The following UNG variants were observed in gnomAD, a reference collection of about 807,000 sequenced individuals.
The protein encoded by UNG is uracil-DNA glycosylase.
UNG carries 34 observed loss-of-function variants against 36.5 expected under a neutral mutation model. That is an observed-to-expected ratio of 0.93 (90% CI 0.71 to 1.24). The LOEUF is 1.24. UNG is among the 50% of genes most tolerant of loss of function. The probability of loss-of-function intolerance (pLI) is 0.00; values close to 1 mark genes in which losing one functional copy is unlikely to be tolerated. For synonymous variants in UNG, 172 were observed against 157.8 expected (o/e 1.09, Z -0.67); for missense variants, 391 against 397.6 (o/e 0.98, Z 0.14).
rs1242744310 is a variant in UNG, at chr12:109,110,106, A to G, written c.*137A>G. ...AGCTTCCAGAAAGCAGCCATGAACC[A>G]GGCTGTCCAGGAATGGCAGCTGTAT... is the stretch of plus-strand genomic sequence containing the variant. On this transcript the variant is annotated 3_prime_UTR_variant, in exon 7 of 7. Coordinates refer to ENST00000242576, the MANE Select transcript of UNG (RefSeq NM_080911.3). 3.3e-6 allele frequency: 4 copies of G among 1,216,934 alleles called. No homozygotes were observed. The African/African-American group carries it at 4.5e-5, about 14-fold the overall frequency. 75.4% of individuals were successfully genotyped at this position (1,216,934 alleles called of 1,614,324 possible).
At chr12:109,109,728 A>T in intron 6 of UNG, 101 bp from the exon 7 acceptor site, 3 of 1,453,682 alleles carry the variant, frequency 2.1e-6, no homozygotes, top group Non-Finnish European at 2.8e-6. Context: ...GGTTGCAGTG[A>T]GTCGAGATCA....
At chr12:109,098,754 A>G (rs3219211) in intron 2 of UNG, 116 bp downstream of exon 2, 3 of 1,353,772 alleles carry the variant, frequency 2.2e-6, no homozygotes, top group Middle Eastern at 2.3e-4. Flanking sequence ...TACCCCCTTC[A>G]ACCTCCTTTA....
chr12:109,109,840 T>C lies in UNG; in HGVS notation c.813T>C (p.His271=), dbSNP rs2042247472. The C allele has an allele frequency of 2.5e-6, 4 of 1,613,690 alleles. No individual in the cohort carries two copies. Among genetic ancestry groups the C allele is most frequent in the African/African-American group, 1.3e-5 (1 of 74,886 alleles). The change falls in exon 7 of 7, where the codon CAT becomes CAC. Residue 271 remains histidine, a synonymous_variant. Transcript: ENST00000242576. ...KGSAIDRKRH[H]VLQTAHPSPL... ...TTGATCTTTTTCAGAAGCGGCACCA[T>C]GTACTACAGACGGCTCATCCCTCCC...
chr12:109,109,867 T>C lies in UNG; in HGVS notation c.840T>C (p.Pro280=). Residue 280 remains proline, a synonymous_variant, in exon 7 of 7, where the codon CCT becomes CCC. Coordinates refer to ENST00000242576, the MANE Select transcript of UNG (RefSeq NM_080911.3). The part of the protein sequence containing the change: ...HHVLQTAHPS[P]LSVYRGFFGC... ...TACTACAGACGGCTCATCCCTCCCC[T>C]TTGTCAGTGTATAGAGGGTTCTTTG... is the stretch of plus-strand genomic sequence containing the variant. 6.2e-7 allele frequency: 1 copy of C among 1,614,064 alleles called. No homozygotes were observed. The highest frequency in any genetic ancestry group is 8.5e-7 in the Non-Finnish European group (1 of 1,179,998).
chr12:109,103,688 T>C, intron 6 of UNG, 77 bp downstream of exon 6: 1 of 1,454,426 alleles, frequency 6.9e-7, no homozygotes. Flanking sequence ...TAGGAGTCCC[T>C]GCTGTGTTTG....
At position 109,109,805 on chromosome 12, in the gene UNG, C is replaced by G. The variant is rs770547674; in HGVS notation, c.802-24C>G. ...AATTTAAAAAGTCCCAAATCTGCCACCATTTATTCTTGATCTTTTTCAGAA... is the reference window on the plus strand; with the variant it reads ...AATTTAAAAAGTCCCAAATCTGCCAGCATTTATTCTTGATCTTTTTCAGAA... On this transcript the variant is annotated intron_variant, in intron 6 of 6. Transcript: ENST00000242576. The G allele has an allele frequency of 5.6e-6, 9 of 1,612,466 alleles. No homozygotes were observed. The South Asian group carries it at 9.9e-5, about 18-fold the overall frequency.
Position 109,103,631 on chromosome 12 carries a change from TTTTTTTTC to T in UNG, c.801+28_801+35del. On this transcript the variant is annotated intron_variant, in intron 6 of 6. Transcript: ENST00000242576. ...GATAGGGTATGTTTTGTTTTCTTTC[TTTTTTTTC>T]TTTTTTTTTTAACACTATAAAAACA... 7.5e-7 allele frequency: 1 copy of T among 1,330,040 alleles called. No homozygotes were observed. The allele number at this position is 1,330,040 out of a possible 1,614,324, so 82.4% of individuals were successfully genotyped here. A position where few individuals can be genotyped will look rare whatever the true frequency, so the allele number is the denominator to read the frequency against.
chr12:109,108,818 G>A (rs1286682944), intron 6 of UNG, among the ~76,000 whole-genome samples: 1 of 152,088 alleles, frequency 6.6e-6, no homozygotes, highest in Non-Finnish European at 1.5e-5. Flanking sequence ...TTTTTGTAGA[G>A]ATGGGGTCTC....
intron 6 of UNG, among the ~76,000 whole-genome samples, chr12:109,104,188 G>T (rs2042200421): frequency 6.6e-6 from 1 of 151,982 alleles, no homozygotes. Flanking sequence ...TGGGACTACA[G>T]GCGCCCGCCA....
intron 6 of UNG, among the ~76,000 whole-genome samples, chr12:109,109,483 G>GAA (rs58043104): frequency 2.7e-5 from 4 of 147,508 alleles, no homozygotes; most frequent in Admixed American, 1.4e-4. Flanking sequence ...CCTTTTTGGG[G>GAA]AAAAAAAAAA....
In UNG at chr12:109,098,621, A is replaced by C; in HGVS notation, c.322A>C (p.Lys108Gln). 2 of 1,613,548 alleles carry C rather than the reference A, an allele frequency of 1.2e-6. No individual in the cohort carries two copies. Among genetic ancestry groups the C allele is most frequent in the Non-Finnish European group, 1.7e-6 (2 of 1,180,030 alleles). The change falls in exon 2 of 7, where the codon AAA becomes CAA. Residue 108 changes from lysine (K) to glutamine (Q), a missense_variant. Lys to Gln is a moderately conservative substitution (Grantham distance 53, BLOSUM62 1). Coordinates refer to ENST00000242576, the MANE Select transcript of UNG (RefSeq NM_080911.3). ...WKKHLSGEFG[K>Q]PYFIKLMGFV... ...GAAGCACCTCAGCGGGGAGTTCGGG[A>C]AACCGTATTTTATCAAGGTAAATAT...
rs143941638 is a variant in UNG at position 109,108,829 on chromosome 12, G to A, written c.802-1000G>A. Among the ~76,000 whole-genome samples, 21 of 152,104 alleles carry A rather than the reference G, an allele frequency of 1.4e-4. No homozygotes were observed. The East Asian group carries it at 2.1e-3, about 15-fold the overall frequency. ...AATTTTTTTGTAGAGATGGGGTCTC[G>A]CTATGTTGCCTCAGTTGGTTGTAAA... On this transcript the variant is annotated intron_variant, in intron 6 of 6. Transcript: ENST00000242576.
intron 3 of UNG, among the ~76,000 whole-genome samples, chr12:109,099,737 C>T (rs1306678905): frequency 1.3e-5 from 2 of 152,176 alleles, no homozygotes; most frequent in Non-Finnish European, 2.9e-5. Flanking sequence ...TTTAGTTTGT[C>T]TTATATAACA....
In UNG at chr12:109,109,602, A is replaced by G. The variant is rs574248526; in HGVS notation, c.802-227A>G. 3.3e-5 allele frequency among the ~76,000 whole-genome samples: 5 copies of G among 151,874 alleles called. No homozygotes were observed. In the East Asian group the frequency reaches 9.7e-4, roughly 29 times the overall value. ...GATCGAGACCATCCTGGCCAATATG[A>G]TGAAACCCCATCTCTACTAAAAATA... is the stretch of plus-strand genomic sequence containing the variant. On this transcript the variant is annotated intron_variant, in intron 6 of 6. Transcript: ENST00000242576.
chr12:109,098,583 G>T lies in UNG; in HGVS notation c.284G>T (p.Gly95Val). Residue 95 changes from glycine to valine, a missense_variant, in exon 2 of 7, where the codon GGA (glycine) becomes GTA (valine). By Grantham distance (109) the Gly-to-Val change is moderately radical. Coordinates refer to ENST00000242576, the MANE Select transcript of UNG (RefSeq NM_080911.3). ...GCCCGCAACGTGCCCGTGGGCTTTG[G>T]AGAGAGCTGGAAGAAGCACCTCAGC... Reference protein sequence around the residue: ...LAARNVPVGFGESWKKHLSGE... With the variant: ...LAARNVPVGFVESWKKHLSGE... 5 of 1,613,510 alleles carry T rather than the reference G, an allele frequency of 3.1e-6. No homozygotes were observed. Among genetic ancestry groups the T allele is most frequent in the Non-Finnish European group, 4.2e-6 (5 of 1,180,016 alleles).
intron 6 of UNG, among the ~76,000 whole-genome samples, chr12:109,107,139 C>T (rs953233966): frequency 6.6e-6 from 1 of 151,302 alleles, no homozygotes; most frequent in Admixed American, 6.6e-5. Flanking sequence ...GTACGGATAG[C>T]AGTGAAATTG....
At position 109,109,948 on chromosome 12, in the gene UNG, C is replaced by T. The variant is rs143289779; in HGVS notation, c.921C>T (p.Pro307=). Residue 307 remains proline, a synonymous_variant, in exon 7 of 7, where the codon CCC becomes CCT. Transcript: ENST00000242576. ...TGCTGCAGAAGTCTGGCAAGAAGCC[C>T]ATTGACTGGAAGGAGCTGTGATCAT... is the stretch of plus-strand genomic sequence containing the variant. The part of the protein sequence containing the change: ...NELLQKSGKK[P]IDWKEL 6 of 1,614,118 alleles carry T rather than the reference C, an allele frequency of 3.7e-6. No homozygotes were observed. The African/African-American group carries it at 8.0e-5, about 22-fold the overall frequency.
chr12:109,099,791 G>A (rs149197671), intron 3 of UNG, among the ~76,000 whole-genome samples: 1 of 152,278 alleles, frequency 6.6e-6, no homozygotes, highest in East Asian at 1.9e-4. Context: ...TCAGAAGTTC[G>A]TGGGGCTGGG....
chr12:109,102,029 C>G, intron 4 of UNG, 30 bp downstream of exon 4: 2 of 1,585,080 alleles, frequency 1.3e-6, no homozygotes, highest in Non-Finnish European at 1.7e-6. Context: ...GACTGCAGTC[C>G]AGACATGATT....
Sources: gnomAD v4.1 joint callset for allele counts (sites outside exome capture counted in the v4.1 genomes callset) on GRCh38, gnomAD v4.1.1 for gene constraint, MANE v1.5 for transcripts, NCBI Gene and HGNC (gene_info 2026-07-23, HGNC 2026-07-21) for gene names.